Variants in SOX5 observed in about 807,000 individuals in gnomAD.
The protein encoded by SOX5 is transcription factor SOX-5.
Under a neutral mutation model 92.0 loss-of-function variants are expected in SOX5, and 9 were observed. The observed-to-expected ratio is 0.10, with a 90% confidence interval of 0.06 to 0.17. The LOEUF (loss-of-function observed/expected upper bound fraction) is 0.17. SOX5 is among the 10% of genes least tolerant of loss of function. The probability of loss-of-function intolerance (pLI) is 1.00; values close to 1 mark genes in which losing one functional copy is unlikely to be tolerated. For missense variants in SOX5, 642 were observed against 944.5 expected (o/e 0.68, Z 4.20); for synonymous variants, 344 against 336.3 (o/e 1.02, Z -0.25).
chr12:23,979,276 T>A (rs1174069681), intron 4 of SOX5, among the ~76,000 whole-genome samples: 1 of 152,148 alleles, frequency 6.6e-6, no homozygotes, highest in African/African-American at 2.4e-5. Flanking sequence ...CAGGCTGGAG[T>A]GCAATGGTGC....
chr12:23,579,111 G>A (rs1949687015), intron 9 of SOX5, among the ~76,000 whole-genome samples: 2 of 152,136 alleles, frequency 1.3e-5, no homozygotes, highest in African/African-American at 4.8e-5. Context: ...GTGCTCATGG[G>A]ATGAAGTGTC....
At chr12:23,964,093 T>G (rs1947277500) in intron 4 of SOX5, among the ~76,000 whole-genome samples, 1 of 152,012 alleles carries the variant, frequency 6.6e-6, no homozygotes, top group Non-Finnish European at 1.5e-5. Context: ...CCACCAAACC[T>G]CTCTCTCTTC....
intron 3 of SOX5, among the ~76,000 whole-genome samples, chr12:23,782,005 CT>C (rs201132445): frequency 1.3e-5 from 2 of 150,782 alleles, no homozygotes; most frequent in East Asian, 3.9e-4. Flanking sequence ...TGGATATACA[CT>C]TTTTTTTTAT....
chr12:24,349,880 T>C (rs145522078), intron 2 of SOX5, among the ~76,000 whole-genome samples: 61 of 152,334 alleles, frequency 4.0e-4, no homozygotes, highest in African/African-American at 1.2e-3. Flanking sequence ...ACAGCAGCTA[T>C]ATCATTTTAC....
intron 3 of SOX5, among the ~76,000 whole-genome samples, chr12:23,793,850 T>C (rs1217095910): frequency 6.6e-6 from 1 of 152,214 alleles, no homozygotes; most frequent in Non-Finnish European, 1.5e-5. Context: ...TCAACTCTTC[T>C]GTATTTTCAA....
At chr12:24,128,802 G>C (rs1949362792) in intron 4 of SOX5, among the ~76,000 whole-genome samples, 2 of 152,174 alleles carry the variant, frequency 1.3e-5, no homozygotes, top group African/African-American at 4.8e-5. Flanking sequence ...AATATAATCT[G>C]ATTGATATCG....
At chr12:24,106,790 CA>C (rs1569543939) in intron 4 of SOX5, among the ~76,000 whole-genome samples, 4 of 94,140 alleles carry the variant, frequency 4.2e-5, no homozygotes, top group African/African-American at 1.8e-4. Context: ...AGACTCGTCT[CA>C]AATAATAATA....
At chr12:23,686,116 A>C (rs963731471) in intron 6 of SOX5, among the ~76,000 whole-genome samples, 1 of 152,178 alleles carries the variant, frequency 6.6e-6, no homozygotes, top group Non-Finnish European at 1.5e-5. Flanking sequence ...ATAATTAGAG[A>C]GCAAACATTT....
intron 4 of SOX5, among the ~76,000 whole-genome samples, chr12:24,182,692 T>C (rs944439012): frequency 1.3e-5 from 2 of 152,122 alleles, no homozygotes; most frequent in African/African-American, 4.8e-5. Flanking sequence ...ATATATAAAT[T>C]ATTAGGAAAA....
chr12:23,845,914 C>T (rs1594991504), intron 3 of SOX5, 69 bp downstream of exon 3: 2 of 1,280,084 alleles, frequency 1.6e-6, no homozygotes, highest in Admixed American at 1.7e-5. Context: ...AAAAACAAAT[C>T]AAGAAATTAA....
At chr12:24,341,803 C>A (rs1389053767) in intron 2 of SOX5, among the ~76,000 whole-genome samples, 2 of 152,154 alleles carry the variant, frequency 1.3e-5, no homozygotes, top group Non-Finnish European at 2.9e-5. Context: ...ACCCATGCAA[C>A]ACAGCCTCCC....
intron 3 of SOX5, among the ~76,000 whole-genome samples, chr12:24,220,533 T>C (rs1418448647): frequency 6.6e-6 from 1 of 152,202 alleles, no homozygotes; most frequent in Admixed American, 6.5e-5. Context: ...AAAAGGGCTA[T>C]TAAATAAAGT....
At chr12:23,931,593 G>A (rs1412556851) in intron 1 of SOX5, among the ~76,000 whole-genome samples, 2 of 151,704 alleles carry the variant, frequency 1.3e-5, no homozygotes, top group Non-Finnish European at 3.0e-5. Flanking sequence ...TTAAAGAGCA[G>A]AATAGTAGAG....
chr12:23,540,466 G>A, intron 13 of SOX5, among the ~76,000 whole-genome samples: 1 of 151,696 alleles, frequency 6.6e-6, no homozygotes, highest in Middle Eastern at 3.2e-3. Flanking sequence ...TCAATCAAAA[G>A]TATTTGATGC....
chr12:23,752,561 C>A (rs2094213187), intron 4 of SOX5, among the ~76,000 whole-genome samples: 1 of 151,806 alleles, frequency 6.6e-6, no homozygotes, highest in Non-Finnish European at 1.5e-5. Context: ...GAATGACCTT[C>A]GGTGTAATGG....
chr12:24,090,154 A>G (rs1272581081), intron 4 of SOX5, among the ~76,000 whole-genome samples: 1 of 152,164 alleles, frequency 6.6e-6, no homozygotes, highest in Admixed American at 6.5e-5. Flanking sequence ...TAAAAACTGC[A>G]TTTTTATTAA....
In SOX5 at chr12:23,534,276, A is replaced by G. The variant is rs544832943; in HGVS notation, c.2235T>C (p.Asp745=). 1.2e-6 allele frequency: 2 copies of G among 1,614,088 alleles called. No homozygotes were observed. The highest frequency in any genetic ancestry group is 1.1e-5 in the South Asian group (1 of 91,072). ...TGTCACTCCCATAATCTACATCTGG[A>G]TCATCCTCTTCCTCGTCGTACTCAT... ...IYDEYDEEED[D]PDVDYGSDSE... The change falls in exon 15 of 15, where the codon GAT becomes GAC. Residue 745 remains aspartate (D), a synonymous_variant. Transcript: ENST00000451604.
At chr12:23,863,228 T>A (rs1456596949) in intron 2 of SOX5, among the ~76,000 whole-genome samples, 2 of 152,216 alleles carry the variant, frequency 1.3e-5, no homozygotes, top group Non-Finnish European at 2.9e-5. Context: ...ATTCTTTCCA[T>A]CTATATATGT....
At chr12:23,966,202 CCAAAAAAAAAAAAAA>C (rs1947545078) in intron 4 of SOX5, among the ~76,000 whole-genome samples, 2 of 26,700 alleles carry the variant, frequency 7.5e-5, no homozygotes, top group Admixed American at 6.6e-4. Flanking sequence ...CACTCAATAT[CCAAAAAAAAAAAAAA>C]AAAAAAAAAA....
Sources: gnomAD v4.1 joint callset for allele counts (sites outside exome capture counted in the v4.1 genomes callset) on GRCh38, gnomAD v4.1.1 for gene constraint, MANE v1.5 for transcripts, NCBI Gene and HGNC (gene_info 2026-07-23, HGNC 2026-07-21) for gene names.